The following SLCO5A1 variants were observed in gnomAD, a reference collection of about 807,000 sequenced individuals.
SLCO5A1 encodes the protein solute carrier organic anion transporter family member 5A1, also known as organic anion transporter polypeptide-related protein 4.
Under a neutral mutation model 65.1 loss-of-function variants are expected in SLCO5A1, and 39 were observed. The observed-to-expected ratio is 0.60, with a 90% CI of 0.46 to 0.78. The LOEUF (loss-of-function observed/expected upper bound fraction) is 0.78, where lower values mean the gene tolerates loss of function less well. SLCO5A1 is among the 30% of genes least tolerant of loss of function. SLCO5A1 has a pLI of 0.00. For missense variants in SLCO5A1, 1,029 were observed against 1,069.4 expected (o/e 0.96, Z 0.53); for synonymous variants, 438 against 415.7 (o/e 1.05, Z -0.65).
chr8:69,728,337 C>T (rs16936379), intron 5 of SLCO5A1, among the ~76,000 whole-genome samples: 4,708 of 152,230 alleles, frequency 0.031, 246 homozygotes, highest in African/African-American at 0.1. Flanking sequence ...TGGAATGGAA[C>T]TGAGGCCTCT....
intron 2 of SLCO5A1, chr8:69,794,630 C>A: frequency 3.2e-6 from 1 of 316,798 alleles, no homozygotes; most frequent in East Asian, 9.0e-5. Flanking sequence ...AGCAATTCTG[C>A]TTTCAGGGCT....
At chr8:69,688,156 G>A (rs544008820) in intron 6 of SLCO5A1, among the ~76,000 whole-genome samples, 6 of 152,066 alleles carry the variant, frequency 3.9e-5, no homozygotes, top group Admixed American at 1.3e-4. Flanking sequence ...AAAAAAAGAC[G>A]AACTCATATA....
chr8:69,814,071 CA>C (rs1374582043), intron 2 of SLCO5A1, among the ~76,000 whole-genome samples: 1 of 151,096 alleles, frequency 6.6e-6, no homozygotes, highest in Non-Finnish European at 1.5e-5. Flanking sequence ...TAACAAACTA[CA>C]AGAAAAAAAC....
intron 6 of SLCO5A1, among the ~76,000 whole-genome samples, chr8:69,694,610 G>C (rs1458429315): frequency 6.6e-6 from 1 of 152,188 alleles, no homozygotes; most frequent in Non-Finnish European, 1.5e-5. Flanking sequence ...CCTGCTTGGA[G>C]AAAGGATTCC....
At chr8:69,730,634 G>A (rs565955251) in intron 5 of SLCO5A1, among the ~76,000 whole-genome samples, 11 of 152,270 alleles carry the variant, frequency 7.2e-5, no homozygotes, top group African/African-American at 2.6e-4. Context: ...CCTAGTCAAG[G>A]CACAAAACAT....
At chr8:69,790,481 T>C (rs571357967) in intron 2 of SLCO5A1, among the ~76,000 whole-genome samples, 1 of 152,096 alleles carries the variant, frequency 6.6e-6, no homozygotes, top group South Asian at 2.1e-4. Flanking sequence ...ACTATTAAAA[T>C]TGAGGAAAGA....
chr8:69,768,773 A>T (rs1357123541), intron 2 of SLCO5A1, among the ~76,000 whole-genome samples: 1 of 152,012 alleles, frequency 6.6e-6, no homozygotes. Context: ...ATACAATCAC[A>T]CTGGGGGTCA....
chr8:69,807,081 A>C (rs1348026709), intron 2 of SLCO5A1, among the ~76,000 whole-genome samples: 1 of 152,232 alleles, frequency 6.6e-6, no homozygotes, highest in Admixed American at 6.5e-5. Flanking sequence ...ATATTACCCA[A>C]TTTCAAACTG....
intron 2 of SLCO5A1, among the ~76,000 whole-genome samples, chr8:69,791,863 T>C (rs531314911): frequency 4.7e-4 from 71 of 152,364 alleles, no homozygotes; most frequent in African/African-American, 1.5e-3. Flanking sequence ...CAAATATTGA[T>C]CTAACCATTA....
At chr8:69,799,564 T>C (rs1020788154) in intron 2 of SLCO5A1, among the ~76,000 whole-genome samples, 50 of 152,262 alleles carry the variant, frequency 3.3e-4, no homozygotes, top group African/African-American at 1.2e-3. Flanking sequence ...CTCCCACTGT[T>C]GTAAGGACTT....
chr8:69,762,011 T>C (rs1328502313), intron 2 of SLCO5A1, 136 bp from the exon 3 acceptor site: 2 of 1,027,124 alleles, frequency 1.9e-6, no homozygotes, highest in East Asian at 2.6e-5. Context: ...CCTTTGGAGA[T>C]TTGTGTCCAT....
chr8:69,815,154 G>T (rs1419185036), intron 2 of SLCO5A1, among the ~76,000 whole-genome samples: 1 of 152,054 alleles, frequency 6.6e-6, no homozygotes, highest in Non-Finnish European at 1.5e-5. Context: ...AATTTCAAAG[G>T]TTTTCACCAT....
At chr8:69,811,852 G>T (rs1820217987) in intron 2 of SLCO5A1, among the ~76,000 whole-genome samples, 1 of 152,216 alleles carries the variant, frequency 6.6e-6, no homozygotes, top group Non-Finnish European at 1.5e-5. Context: ...GCACAGAGAG[G>T]CCACAGAAGC....
chr8:69,799,716 G>T (rs1055064076), intron 2 of SLCO5A1, among the ~76,000 whole-genome samples: 1 of 152,162 alleles, frequency 6.6e-6, no homozygotes, highest in Non-Finnish European at 1.5e-5. Flanking sequence ...GCGAAGAGAG[G>T]TACTGAGCAA....
At chr8:69,729,446 CAAAAAAAAAAAAA>C (rs56392223) in intron 5 of SLCO5A1, among the ~76,000 whole-genome samples, 4 of 80,486 alleles carry the variant, frequency 5.0e-5, no homozygotes, top group South Asian at 5.8e-4. Flanking sequence ...TCCGTCCCAA[CAAAAAAAAAAAAA>C]AAAAAAAAAA....
At chr8:69,747,658 A>C (rs1379428142) in intron 4 of SLCO5A1, among the ~76,000 whole-genome samples, 1 of 152,192 alleles carries the variant, frequency 6.6e-6, no homozygotes, top group Non-Finnish European at 1.5e-5. Context: ...TCCACCAAGG[A>C]GTTCTGGAAC....
Position 69,679,469 on chromosome 8 carries a change from A to C in SLCO5A1, c.1933T>G (p.Cys645Gly). Residue 645 changes from cysteine to glycine, a missense_variant, in exon 8 of 10, where the codon TGC becomes GGC. Transcript: ENST00000260126. ...ACTAAGAATGGGATAAGAGTATTGC[A>C]GGTCCGTTTACATTTCCCAGACACA... ...YAVSGKCKRT[C>G]NTLIPFLVFL... 6 of 1,614,252 alleles carry C rather than the reference A, an allele frequency of 3.7e-6. No individual in the cohort carries two copies. The highest frequency in any genetic ancestry group is 4.2e-6 in the Non-Finnish European group (5 of 1,180,048).
chr8:69,830,060 G>A (rs545823551), intron 2 of SLCO5A1, among the ~76,000 whole-genome samples: 1 of 152,306 alleles, frequency 6.6e-6, no homozygotes, highest in South Asian at 2.1e-4. Flanking sequence ...AGGCAAGATG[G>A]TAAGCAAGCT....
At chr8:69,706,114 T>C (rs1814958278) in intron 5 of SLCO5A1, among the ~76,000 whole-genome samples, 2 of 152,192 alleles carry the variant, frequency 1.3e-5, no homozygotes, top group South Asian at 2.1e-4. Flanking sequence ...GAAAGAAACA[T>C]AGCTACACAC....
Sources: allele counts gnomAD v4.1 joint callset (sites outside exome capture counted in the v4.1 genomes callset), GRCh38; gene constraint gnomAD v4.1.1; transcripts MANE v1.5; gene names NCBI Gene and HGNC (gene_info 2026-07-23, HGNC 2026-07-21).